MPHOSPH6: variants seen among roughly 807,000 people sequenced by gnomAD.
The protein encoded by MPHOSPH6 is M-phase phosphoprotein 6.
Under a neutral mutation model 21.8 loss-of-function variants are expected in MPHOSPH6, and 25 were observed. The observed-to-expected ratio is 1.15, with a 90% CI of 0.83 to 1.60. The LOEUF (loss-of-function observed/expected upper bound fraction) is 1.60, where lower values mean the gene tolerates loss of function less well. MPHOSPH6 is among the 40% of genes most tolerant of loss of function. The pLI is 0.00. For synonymous variants in MPHOSPH6, 84 were observed against 56.5 expected (o/e 1.49, Z -2.18); for missense variants, 269 against 181.8 (o/e 1.48, Z -2.76).
intron 1 of MPHOSPH6, among the ~76,000 whole-genome samples, chr16:82,165,095 T>G (rs1397474411): frequency 6.7e-6 from 1 of 149,996 alleles, no homozygotes; most frequent in Non-Finnish European, 1.5e-5. Flanking sequence ...TTTCTTTCCC[T>G]TATTCAGGTC....
At chr16:82,149,921 G>A (rs1453229326) in intron 3 of MPHOSPH6, among the ~76,000 whole-genome samples, 1 of 151,770 alleles carries the variant, frequency 6.6e-6, no homozygotes, top group Non-Finnish European at 1.5e-5. Flanking sequence ...AAACTTTAGA[G>A]TGGATAATGC....
At chr16:82,167,636 T>G (rs1906826747) in intron 1 of MPHOSPH6, 1 of 156,666 alleles carries the variant, frequency 6.4e-6, no homozygotes. Flanking sequence ...CATCAGGCAT[T>G]AGATTCTCGT....
chr16:82,148,907 G>C (rs761120571), intron 4 of MPHOSPH6, 44 bp from the exon 5 acceptor site: 2 of 1,606,860 alleles, frequency 1.2e-6, no homozygotes, highest in Non-Finnish European at 1.7e-6. Flanking sequence ...CAAATAAAAA[G>C]GTAGGGATCA....
chr16:82,166,757 T>C (rs1906794767), intron 1 of MPHOSPH6, among the ~76,000 whole-genome samples: 1 of 152,202 alleles, frequency 6.6e-6, no homozygotes, highest in Non-Finnish European at 1.5e-5. Context: ...TCATCACTAA[T>C]ATTCCTCGTG....
chr16:82,152,164 C>A lies in MPHOSPH6; in HGVS notation c.165-650G>T, dbSNP rs544520460. Among the ~76,000 whole-genome samples, 10 of 152,246 alleles carry A rather than the reference C, an allele frequency of 6.6e-5. No homozygotes were observed. In the South Asian group the frequency reaches 2.1e-3, roughly 32 times the overall value. On this transcript the variant is annotated intron_variant, in intron 2 of 4. Coordinates refer to ENST00000258169, the MANE Select transcript of MPHOSPH6 (RefSeq NM_005792.2). The stretch of plus-strand genomic sequence containing the variant: ...TTTTGTACTTGCATTTACGTTGATT[C>A]TTGAACACAGGTCTGAGCTGTGTGG...
At chr16:82,164,842 T>C (rs147626307) in intron 1 of MPHOSPH6, 1 of 152,230 alleles carries the variant, frequency 6.6e-6, no homozygotes, top group East Asian at 1.9e-4. Context: ...TGCTAAACTC[T>C]TGAGCTGCTC....
intron 2 of MPHOSPH6, among the ~76,000 whole-genome samples, chr16:82,161,697 A>G (rs893347898): frequency 6.6e-6 from 1 of 152,208 alleles, no homozygotes; most frequent in Non-Finnish European, 1.5e-5. Context: ...GAGGGAGAAG[A>G]TAATGGGCAA....
intron 2 of MPHOSPH6, among the ~76,000 whole-genome samples, chr16:82,163,316 G>C (rs1287114711): frequency 6.6e-6 from 1 of 152,174 alleles, no homozygotes; most frequent in Non-Finnish European, 1.5e-5. Context: ...GAAAGTATCA[G>C]GGAAAAATGA....
chr16:82,167,225 C>G (rs1342809096), intron 1 of MPHOSPH6, among the ~76,000 whole-genome samples: 1 of 152,222 alleles, frequency 6.6e-6, no homozygotes, highest in East Asian at 1.9e-4. Context: ...CCCTCTACAA[C>G]CATTCCATAC....
At chr16:82,150,109 A>G (rs989700767) in intron 3 of MPHOSPH6, among the ~76,000 whole-genome samples, 8 of 152,262 alleles carry the variant, frequency 5.3e-5, no homozygotes, top group South Asian at 4.2e-4. Flanking sequence ...AAGGCTTAAA[A>G]GAGTGATAAT....
chr16:82,167,031 G>A (rs563331747), intron 1 of MPHOSPH6, among the ~76,000 whole-genome samples: 3 of 152,266 alleles, frequency 2.0e-5, no homozygotes, highest in East Asian at 1.9e-4. Context: ...GTCTGTTGTC[G>A]TCGATAAAGT....
At chr16:82,166,374 A>C (rs1906780314) in intron 1 of MPHOSPH6, among the ~76,000 whole-genome samples, 1 of 152,142 alleles carries the variant, frequency 6.6e-6, no homozygotes, top group Non-Finnish European at 1.5e-5. Context: ...GCGACTTAAC[A>C]CGTTTCCATT....
intron 3 of MPHOSPH6, 141 bp from the exon 4 acceptor site, chr16:82,149,544 C>T (rs750014792): frequency 1.1e-5 from 8 of 708,648 alleles, no homozygotes; most frequent in Non-Finnish European, 2.0e-5. Flanking sequence ...CTCTGTAATA[C>T]TTGATACCAC....
chr16:82,165,114 C>CTTTTTTTTTTTTTTTT lies in MPHOSPH6; in HGVS notation c.52-921_52-920insAAAAAAAAAAAAAAAA, dbSNP rs1418457856. Among the ~76,000 whole-genome samples, 50 of 63,938 alleles carry CTTTTTTTTTTTTTTTT rather than the reference C, an allele frequency of 7.8e-4. 16 individuals carry two copies. Among genetic ancestry groups the CTTTTTTTTTTTTTTTT allele is most frequent in the Admixed American group, 2.8e-3 (14 of 4,986 alleles). The allele number at this position is 63,938 out of a possible 152,430, so 41.9% of individuals were successfully genotyped here. A position where few individuals can be genotyped will look rare whatever the true frequency, so the allele number is the denominator to read the frequency against. ...TTTCCCTTATTCAGGTCCGATATTT[C>CTTTTTTTTTTTTTTTT]TTTTTTATTTTTTTTTTTATTTTTT... On this transcript the variant is annotated intron_variant, in intron 1 of 4. Coordinates refer to ENST00000258169, the MANE Select transcript of MPHOSPH6 (RefSeq NM_005792.2).
chr16:82,168,512 C>G (rs1597166918), intron 1 of MPHOSPH6, among the ~76,000 whole-genome samples: 1 of 150,436 alleles, frequency 6.6e-6, no homozygotes, highest in Middle Eastern at 3.4e-3. Flanking sequence ...CCTGTGTCAC[C>G]AAGGCTGGAG....
At chr16:82,166,301 A>G (rs1214050555) in intron 1 of MPHOSPH6, among the ~76,000 whole-genome samples, 1 of 152,248 alleles carries the variant, frequency 6.6e-6, no homozygotes, top group Non-Finnish European at 1.5e-5. Flanking sequence ...GTACATCCTC[A>G]TCCCAGGAAA....
chr16:82,168,000 A>G (rs574006795), intron 1 of MPHOSPH6, among the ~76,000 whole-genome samples: 21 of 152,226 alleles, frequency 1.4e-4, no homozygotes, highest in Non-Finnish European at 2.5e-4. Context: ...GTCTCCTGCT[A>G]TCTTGCCAGT....
intron 4 of MPHOSPH6, 41 bp from the exon 5 acceptor site, chr16:82,148,904 A>G: frequency 6.2e-7 from 1 of 1,609,818 alleles, no homozygotes; most frequent in Non-Finnish European, 8.5e-7. Context: ...TTTCAAATAA[A>G]AAGGTAGGGA....
chr16:82,149,534 CTCTG>C, intron 3 of MPHOSPH6, 131 bp from the exon 4 acceptor site: 1 of 703,874 alleles, frequency 1.4e-6, no homozygotes, highest in Non-Finnish European at 2.4e-6. Context: ...ATAAGGGACT[CTCTG>C]TAATACTTGA....
Sources: gnomAD v4.1 joint callset for allele counts (sites outside exome capture counted in the v4.1 genomes callset) on GRCh38, gnomAD v4.1.1 for gene constraint, MANE v1.5 for transcripts, NCBI Gene and HGNC (gene_info 2026-07-23, HGNC 2026-07-21) for gene names.